The following DIAPH2 variants were observed in gnomAD, a reference collection of about 807,000 sequenced individuals.
DIAPH2 encodes diaphanous related formin 2, also known as protein diaphanous homolog 2.
DIAPH2 carries 35 observed loss-of-function variants against 92.7 expected under a neutral mutation model. The ratio of observed to expected loss-of-function variants is 0.38; its 90% CI spans 0.29 to 0.50. The LOEUF is 0.50. Ranked by LOEUF, DIAPH2 falls within the 20% of genes least tolerant of loss-of-function variation. The probability of loss-of-function intolerance (pLI) is 0.94; values close to 1 mark genes in which losing one functional copy is unlikely to be tolerated. For missense variants in DIAPH2, 701 were observed against 819.5 expected (o/e 0.86, Z 1.77); for synonymous variants, 301 against 280.4 (o/e 1.07, Z -0.73).
intron 17 of DIAPH2, among the ~76,000 whole-genome samples, chrX:97,008,875 G>A (rs2147862172): frequency 9.0e-6 from 1 of 111,433 alleles, no homozygotes; most frequent in Non-Finnish European, 1.9e-5. Flanking sequence ...GGTCAGACCT[G>A]AAGGCAGCAG....
At chrX:97,127,370 A>G (rs780070546) in intron 21 of DIAPH2, among the ~76,000 whole-genome samples, 7 of 112,351 alleles carry the variant, frequency 6.2e-5, no homozygotes, top group African/African-American at 2.3e-4. Flanking sequence ...ATATTAAAAC[A>G]GAATCCTCTA....
chrX:97,184,622 A>T (rs893270627), intron 22 of DIAPH2, among the ~76,000 whole-genome samples: 3 of 111,481 alleles, frequency 2.7e-5, no homozygotes, highest in Non-Finnish European at 5.6e-5. Context: ...GGGGAGATTG[A>T]GTTAAAGCAT....
At chrX:97,140,547 G>T (rs2067202720) in intron 21 of DIAPH2, among the ~76,000 whole-genome samples, 3 of 111,882 alleles carry the variant, frequency 2.7e-5, no homozygotes, top group African/African-American at 9.7e-5. Flanking sequence ...TCAACATTAT[G>T]CCTCCTGTGG....
At chrX:97,284,671 A>G (rs1247947818) in intron 23 of DIAPH2, among the ~76,000 whole-genome samples, 1 of 110,228 alleles carries the variant, frequency 9.1e-6, no homozygotes, top group East Asian at 2.8e-4. Context: ...CATGTTATTG[A>G]GTCATGGTGC....
intron 22 of DIAPH2, among the ~76,000 whole-genome samples, chrX:97,154,656 C>T (rs954925907): frequency 9.0e-6 from 1 of 111,150 alleles, no homozygotes; most frequent in South Asian, 3.9e-4. Flanking sequence ...TGTTGCACAC[C>T]CTTTTTGAGG....
At chrX:96,935,335 G>A (rs2065649796) in intron 10 of DIAPH2, among the ~76,000 whole-genome samples, 1 of 111,200 alleles carries the variant, frequency 9.0e-6, no homozygotes, top group Non-Finnish European at 1.9e-5. Flanking sequence ...GTTTCATAAA[G>A]ATAAACATAT....
chrX:97,157,871 G>A (rs2067336241), intron 22 of DIAPH2, among the ~76,000 whole-genome samples: 1 of 111,806 alleles, frequency 8.9e-6, no homozygotes, highest in South Asian at 3.8e-4. Flanking sequence ...ACTAATTATG[G>A]CATTTGATAT....
chrX:97,560,106 C>T (rs2071283785), intron 26 of DIAPH2, among the ~76,000 whole-genome samples: 1 of 111,841 alleles, frequency 8.9e-6, no homozygotes, highest in Non-Finnish European at 1.9e-5. Context: ...ATGCCAGGAA[C>T]AGCACTAGAT....
At position 97,425,498 on chromosome X, in the gene DIAPH2, G is replaced by T. The variant is rs758408216; in HGVS notation, c.3146-4152G>T. ...TACATATATTAAAACATCATGGTAGGGTGCAGTGGCTCATGCCTGTGATCC... is the reference window on the plus strand; with the variant it reads ...TACATATATTAAAACATCATGGTAGTGTGCAGTGGCTCATGCCTGTGATCC... On this transcript the variant is annotated intron_variant, in intron 25 of 26. Coordinates refer to ENST00000324765, the MANE Select transcript of DIAPH2 (RefSeq NM_006729.5). Among the ~76,000 whole-genome samples, 5 of 111,297 alleles carry T rather than the reference G, an allele frequency of 4.5e-5. No individual in the cohort carries two copies. In the South Asian group the frequency reaches 1.9e-3, roughly 43 times the overall value.
chrX:96,990,311 G>T (rs1231080718), intron 17 of DIAPH2, among the ~76,000 whole-genome samples: 1 of 112,290 alleles, frequency 8.9e-6, no homozygotes, highest in Non-Finnish European at 1.9e-5. Flanking sequence ...GCACAAGGGT[G>T]CCTTGCTGAT....
chrX:97,198,134 C>T (rs1334411825), intron 22 of DIAPH2, among the ~76,000 whole-genome samples: 1 of 109,716 alleles, frequency 9.1e-6, no homozygotes, highest in Non-Finnish European at 1.9e-5. Flanking sequence ...TTGAGAAGCT[C>T]ATCTTATGGT....
At chrX:97,361,176 G>A in intron 24 of DIAPH2, among the ~76,000 whole-genome samples, 1 of 109,690 alleles carries the variant, frequency 9.1e-6, no homozygotes, top group Non-Finnish European at 1.9e-5. Flanking sequence ...ACAGGCATGA[G>A]CCACCATGCC....
chrX:96,803,165 T>G (rs938876255), intron 4 of DIAPH2, among the ~76,000 whole-genome samples: 4 of 111,062 alleles, frequency 3.6e-5, no homozygotes, highest in African/African-American at 1.3e-4. Context: ...AACAGTACTT[T>G]GCATCCTTCA....
chrX:97,286,770 A>T (rs959438009), intron 23 of DIAPH2, among the ~76,000 whole-genome samples: 4 of 111,292 alleles, frequency 3.6e-5, no homozygotes, highest in Middle Eastern at 4.6e-3. Context: ...TCCTGTCTGT[A>T]TACCACTGGC....
chrX:97,176,866 G>A (rs1388241669), intron 22 of DIAPH2, among the ~76,000 whole-genome samples: 1 of 111,767 alleles, frequency 8.9e-6, no homozygotes, highest in Non-Finnish European at 1.9e-5. Context: ...TCCGAAATTC[G>A]TGGATGCTCA....
At chrX:97,516,110 G>T (rs962586585) in intron 26 of DIAPH2, among the ~76,000 whole-genome samples, 1 of 110,271 alleles carries the variant, frequency 9.1e-6, no homozygotes, top group East Asian at 2.8e-4. Context: ...AAATTAGCTG[G>T]GTGTGGTGGC....
chrX:97,468,701 C>T (rs995581405), intron 26 of DIAPH2, among the ~76,000 whole-genome samples: 1 of 109,361 alleles, frequency 9.1e-6, no homozygotes, highest in Non-Finnish European at 1.9e-5. Context: ...GGAGGTGCAC[C>T]GTTTATTAGG....
At chrX:96,875,473 T>A (rs1476802719) in intron 4 of DIAPH2, among the ~76,000 whole-genome samples, 1 of 112,068 alleles carries the variant, frequency 8.9e-6, no homozygotes, top group African/African-American at 3.2e-5. Flanking sequence ...TATTTAAATT[T>A]TTTTGGGAAA....
Position 96,983,014 on chromosome X carries a change from C to A in DIAPH2, c.2050+17807C>A, listed in dbSNP as rs1411853928. 2.7e-5 allele frequency among the ~76,000 whole-genome samples: 3 copies of A among 110,623 alleles called. No individual in the cohort carries two copies. In the Admixed American group the frequency reaches 2.9e-4, roughly 11 times the overall value. On this transcript the variant is annotated intron_variant, in intron 17 of 26. Transcript: ENST00000324765. The stretch of plus-strand genomic sequence containing the variant: ...TTTTAGCAGTTCCTGAGAAGACTTG[C>A]AATCAGCCATATTTTGGGGGGAGTG...
Sources: allele counts gnomAD v4.1 joint callset (sites outside exome capture counted in the v4.1 genomes callset), GRCh38; gene constraint gnomAD v4.1.1; transcripts MANE v1.5; gene names NCBI Gene and HGNC (gene_info 2026-07-23, HGNC 2026-07-21).